The following HTR1F variants were observed in gnomAD, a reference collection of about 807,000 sequenced individuals.
The protein encoded by HTR1F is 5-hydroxytryptamine receptor 1F.
HTR1F carries 17 observed loss-of-function variants against 24.0 expected under a neutral mutation model. The ratio of observed to expected loss-of-function variants is 0.71; its 90% CI spans 0.48 to 1.06. HTR1F has a LOEUF of 1.06. Ranked by LOEUF, HTR1F falls within the 50% of genes least tolerant of loss-of-function variation. HTR1F has a pLI of 0.00. For synonymous variants in HTR1F, 186 were observed against 156.8 expected (o/e 1.19, Z -1.39); for missense variants, 391 against 427.8 (o/e 0.91, Z 0.76).
chr3:87,848,278 A>AT (rs1704993260), intron 2 of HTR1F, among the ~76,000 whole-genome samples: 1 of 151,662 alleles, frequency 6.6e-6, no homozygotes, highest in Admixed American at 6.6e-5. Flanking sequence ...GATGCTGAGC[A>AT]TTTTTTCATA....
At chr3:87,915,686 G>A (rs1158032421) in intron 2 of HTR1F, among the ~76,000 whole-genome samples, 1 of 152,056 alleles carries the variant, frequency 6.6e-6, no homozygotes, top group African/African-American at 2.4e-5. Flanking sequence ...TATGAACAAA[G>A]CCTCCAAGAA....
chr3:87,809,324 C>T (rs1704123524), intron 1 of HTR1F, among the ~76,000 whole-genome samples: 1 of 151,764 alleles, frequency 6.6e-6, no homozygotes, highest in Non-Finnish European at 1.5e-5. Flanking sequence ...ATCGTGCAAA[C>T]CAAATAGTGT....
At chr3:87,893,417 A>T (rs567050885) in intron 2 of HTR1F, among the ~76,000 whole-genome samples, 112 of 152,306 alleles carry the variant, frequency 7.4e-4, no homozygotes, top group Non-Finnish European at 1.2e-3. Flanking sequence ...TTAATTTTTT[A>T]AAAAAGTCAA....
At chr3:87,940,987 A>G (rs1704554549) in intron 2 of HTR1F, among the ~76,000 whole-genome samples, 1 of 152,180 alleles carries the variant, frequency 6.6e-6, no homozygotes. Context: ...ACCCTTTGCC[A>G]CTACATCAAT....
At chr3:87,835,094 T>C (rs2932306) in intron 2 of HTR1F, among the ~76,000 whole-genome samples, 54,939 of 152,042 alleles carry the variant, frequency 0.36, 14,279 homozygotes, top group African/African-American at 0.74. Context: ...CTCCGTACTT[T>C]TCTAAGCCTA....
At chr3:87,831,852 CAT>C (rs1200714468) in intron 2 of HTR1F, among the ~76,000 whole-genome samples, 3 of 152,098 alleles carry the variant, frequency 2.0e-5, no homozygotes, top group South Asian at 2.1e-4. Flanking sequence ...ATCTTTGACA[CAT>C]GTTTATTTTA....
intron 2 of HTR1F, among the ~76,000 whole-genome samples, chr3:87,888,440 A>G (rs1706007288): frequency 1.3e-5 from 2 of 152,196 alleles, no homozygotes. Flanking sequence ...CACATTGTAC[A>G]CATGTACCCT....
intron 2 of HTR1F, among the ~76,000 whole-genome samples, chr3:87,896,984 T>C (rs1318711809): frequency 2.6e-5 from 4 of 152,028 alleles, no homozygotes; most frequent in African/African-American, 9.7e-5. Context: ...GCAGCCCTTA[T>C]GCAAAATAAT....
At chr3:87,839,134 T>C (rs1704746925) in intron 2 of HTR1F, among the ~76,000 whole-genome samples, 1 of 151,954 alleles carries the variant, frequency 6.6e-6, no homozygotes, top group Non-Finnish European at 1.5e-5. Context: ...AAAAAATCAT[T>C]GCCTAGATCA....
rs1434934251 is a variant in HTR1F at position 87,908,537 on chromosome 3, T to TAA, written c.-42-82169_-42-82168dup. On this transcript the variant is annotated intron_variant, in intron 2 of 2. Coordinates refer to ENST00000319595, the MANE Select transcript of HTR1F (RefSeq NM_001322209.2). The stretch of plus-strand genomic sequence containing the variant: ...AGTTTCCAAGAACTATCTGGTAACG[T>TAA]AAATGTATTTGGAGATTATAATGTA... Among the ~76,000 whole-genome samples the TAA allele has an allele frequency of 3.3e-5, 5 of 152,214 alleles. No homozygotes were observed. In the East Asian group the frequency reaches 9.6e-4, roughly 29 times the overall value.
At chr3:87,879,088 A>T (rs572904642) in intron 2 of HTR1F, among the ~76,000 whole-genome samples, 10 of 152,236 alleles carry the variant, frequency 6.6e-5, no homozygotes, top group African/African-American at 2.4e-4. Context: ...ATATGCTGTG[A>T]ATTTCTTCTT....
intron 2 of HTR1F, among the ~76,000 whole-genome samples, chr3:87,937,750 C>A (rs1057150082): frequency 7.2e-5 from 11 of 152,046 alleles, no homozygotes; most frequent in Admixed American, 3.9e-4. Flanking sequence ...AGTGAAACCC[C>A]GTCTCTACTA....
chr3:87,977,815 G>A (rs1399608166), intron 2 of HTR1F, among the ~76,000 whole-genome samples: 1 of 151,988 alleles, frequency 6.6e-6, no homozygotes, highest in Non-Finnish European at 1.5e-5. Context: ...TTGAAATCTA[G>A]TGTCACAGGA....
chr3:87,937,635 G>C (rs1704456123), intron 2 of HTR1F, among the ~76,000 whole-genome samples: 1 of 151,912 alleles, frequency 6.6e-6, no homozygotes, highest in Admixed American at 6.6e-5. Flanking sequence ...GTAAAAGAAA[G>C]AAATAGGGCC....
chr3:87,891,002 C>A (rs1158490428), intron 2 of HTR1F, among the ~76,000 whole-genome samples: 1 of 151,880 alleles, frequency 6.6e-6, no homozygotes, highest in African/African-American at 2.4e-5. Flanking sequence ...CCACCATGCC[C>A]AGCTAATTTT....
chr3:87,989,295 C>G (rs190549332), intron 2 of HTR1F, among the ~76,000 whole-genome samples: 1 of 152,280 alleles, frequency 6.6e-6, no homozygotes, highest in Non-Finnish European at 1.5e-5. Context: ...ACAATGGTGA[C>G]TTATACAGAA....
chr3:87,957,782 T>C (rs1374968746), intron 2 of HTR1F, among the ~76,000 whole-genome samples: 1 of 151,388 alleles, frequency 6.6e-6, no homozygotes, highest in Non-Finnish European at 1.5e-5. Context: ...GATTTGGCTT[T>C]TTTAAATCAG....
intron 2 of HTR1F, among the ~76,000 whole-genome samples, chr3:87,930,651 G>T (rs1429672698): frequency 5.9e-5 from 9 of 152,080 alleles, no homozygotes; most frequent in African/African-American, 2.2e-4. Context: ...TGATTATGGT[G>T]AATAAACTTT....
At chr3:87,798,099 T>G (rs1703934447) in intron 1 of HTR1F, among the ~76,000 whole-genome samples, 2 of 152,126 alleles carry the variant, frequency 1.3e-5, no homozygotes, top group Non-Finnish European at 2.9e-5. Context: ...AAGTCTCAGG[T>G]CTTAATGTCA....
Sources: allele counts gnomAD v4.1 joint callset (sites outside exome capture counted in the v4.1 genomes callset), GRCh38; gene constraint gnomAD v4.1.1; transcripts MANE v1.5; gene names NCBI Gene and HGNC (gene_info 2026-07-23, HGNC 2026-07-21).